FAM135B: variants seen among roughly 807,000 people sequenced by gnomAD.
FAM135B encodes the protein family with sequence similarity 135 member B, also known as protein FAM135B.
Under a neutral mutation model 127.7 loss-of-function variants are expected in FAM135B, and 43 were observed. The ratio of observed to expected loss-of-function variants is 0.34; its 90% CI spans 0.26 to 0.43. The LOEUF (loss-of-function observed/expected upper bound fraction) is 0.43, where lower values mean the gene tolerates loss of function less well. Among genes scored for constraint, FAM135B ranks in the 20% least tolerant of loss-of-function variants. The pLI, the probability that FAM135B is intolerant of heterozygous loss-of-function variation, is 1.00. For missense variants in FAM135B, 1,558 were observed against 1,725.6 expected (o/e 0.90, Z 1.72); for synonymous variants, 670 against 665.1 (o/e 1.01, Z -0.11).
At chr8:138,428,844 G>A (rs902792934) in intron 1 of FAM135B, among the ~76,000 whole-genome samples, 9 of 152,066 alleles carry the variant, frequency 5.9e-5, no homozygotes, top group South Asian at 2.1e-4. Context: ...TTTATACCTC[G>A]AAATTTAATT....
intron 6 of FAM135B, among the ~76,000 whole-genome samples, chr8:138,248,504 G>A (rs377541362): frequency 3.9e-5 from 6 of 152,198 alleles, no homozygotes; most frequent in South Asian, 4.1e-4. Flanking sequence ...CATCCCTGTC[G>A]GGTTAGTATC....
chr8:138,254,399 A>C (rs1458534570), intron 5 of FAM135B, among the ~76,000 whole-genome samples: 3 of 152,206 alleles, frequency 2.0e-5, no homozygotes, highest in African/African-American at 7.2e-5. Flanking sequence ...AGTTAGCAGC[A>C]GGGTTCTGTG....
At chr8:138,469,312 T>C (rs936370586) in intron 1 of FAM135B, among the ~76,000 whole-genome samples, 2 of 151,628 alleles carry the variant, frequency 1.3e-5, no homozygotes, top group African/African-American at 4.8e-5. Context: ...TGATGAAGGG[T>C]TAAAAAGGAA....
intron 7 of FAM135B, among the ~76,000 whole-genome samples, chr8:138,208,680 C>T (rs1024342846): frequency 6.6e-6 from 1 of 152,162 alleles, no homozygotes; most frequent in Admixed American, 6.5e-5. Flanking sequence ...CCTCAGAGGG[C>T]AAGAGTGAGG....
At chr8:138,410,990 G>A (rs970944453) in intron 1 of FAM135B, among the ~76,000 whole-genome samples, 7 of 141,226 alleles carry the variant, frequency 5.0e-5, no homozygotes, top group Non-Finnish European at 3.1e-5. Flanking sequence ...AAATAAAAGA[G>A]GATACAAACA....
At chr8:138,394,252 C>T (rs1202961707) in intron 1 of FAM135B, among the ~76,000 whole-genome samples, 1 of 152,130 alleles carries the variant, frequency 6.6e-6, no homozygotes, top group African/African-American at 2.4e-5. Flanking sequence ...TGTGTTTGTC[C>T]CATGGGCCAC....
intron 16 of FAM135B, 64 bp downstream of exon 16, chr8:138,142,948 C>T (rs767243301): frequency 4.8e-6 from 4 of 842,076 alleles, no homozygotes; most frequent in African/African-American, 3.3e-5. Context: ...TGCTTTTATA[C>T]AGCAAACACT....
chr8:138,190,538 G>A (rs1816020161), intron 9 of FAM135B, among the ~76,000 whole-genome samples: 1 of 152,164 alleles, frequency 6.6e-6, no homozygotes, highest in Non-Finnish European at 1.5e-5. Flanking sequence ...AACATATTTT[G>A]GAAGAACCCT....
intron 11 of FAM135B, among the ~76,000 whole-genome samples, chr8:138,172,687 A>G (rs1176435396): frequency 6.6e-6 from 1 of 152,210 alleles, no homozygotes; most frequent in Non-Finnish European, 1.5e-5. Context: ...CCTGGATATA[A>G]TGGATGACGA....
intron 1 of FAM135B, among the ~76,000 whole-genome samples, chr8:138,429,630 A>G (rs957064986): frequency 2.6e-5 from 4 of 152,186 alleles, no homozygotes; most frequent in South Asian, 2.1e-4. Flanking sequence ...TAGCAAGGAC[A>G]GCTTTCTGTT....
intron 5 of FAM135B, 106 bp from the exon 6 acceptor site, chr8:138,251,120 A>C: frequency 7.8e-7 from 1 of 1,284,922 alleles, no homozygotes; most frequent in African/African-American, 1.5e-5. Context: ...CCATGCATAC[A>C]TCATCTCGTT....
chr8:138,406,372 C>T (rs1332669513), intron 1 of FAM135B, among the ~76,000 whole-genome samples: 1 of 151,942 alleles, frequency 6.6e-6, no homozygotes, highest in African/African-American at 2.4e-5. Context: ...CTATTCCAAT[C>T]AATAGAAAAA....
At chr8:138,169,972 G>A (rs929426921) in intron 11 of FAM135B, among the ~76,000 whole-genome samples, 5 of 152,118 alleles carry the variant, frequency 3.3e-5, no homozygotes, top group Admixed American at 1.3e-4. Context: ...AATGCTAAAG[G>A]GTACATAGGA....
chr8:138,375,408 T>C (rs1405750046), intron 1 of FAM135B, among the ~76,000 whole-genome samples: 1 of 152,164 alleles, frequency 6.6e-6, no homozygotes, highest in Admixed American at 6.5e-5. Context: ...TGTATATGTG[T>C]GTATGTAGGT....
In FAM135B at chr8:138,333,972, G is replaced by A. The variant is rs181660797; in HGVS notation, c.78-23052C>T. Among the ~76,000 whole-genome samples the A allele has an allele frequency of 1.3e-3, 197 of 152,318 alleles. 4 individuals carry two copies. Among genetic ancestry groups the A allele is most frequent in the African/African-American group, 4.1e-3 (172 of 41,562 alleles). Reference sequence around the variant, plus strand: ...GAGTCTCGCTCTGTCTCCCAGGCTGGAGTGCAGTGGCATGATCTTGGATCA... The same window carrying A: ...GAGTCTCGCTCTGTCTCCCAGGCTGAAGTGCAGTGGCATGATCTTGGATCA... On this transcript the variant is annotated intron_variant, in intron 2 of 19. Coordinates refer to ENST00000395297, the MANE Select transcript of FAM135B (RefSeq NM_015912.4).
intron 1 of FAM135B, among the ~76,000 whole-genome samples, chr8:138,374,167 T>C (rs1156349140): frequency 6.6e-6 from 1 of 152,158 alleles, no homozygotes; most frequent in East Asian, 1.9e-4. Context: ...GCTTTAAAAT[T>C]TCTCTCTTTT....
chr8:138,414,995 G>T (rs1519396), intron 1 of FAM135B, among the ~76,000 whole-genome samples: 106,726 of 151,986 alleles, frequency 0.7, 37,837 homozygotes, highest in East Asian at 0.99. Flanking sequence ...GTAGCAACTC[G>T]GGATAAGCAG....
chr8:138,480,482 C>T (rs574340779), intron 1 of FAM135B, among the ~76,000 whole-genome samples: 26 of 151,858 alleles, frequency 1.7e-4, no homozygotes, highest in Non-Finnish European at 3.2e-4. Flanking sequence ...TGGAGAAAGA[C>T]AGACTGTGAA....
intron 1 of FAM135B, among the ~76,000 whole-genome samples, chr8:138,436,349 T>C (rs1835456359): frequency 6.6e-6 from 1 of 152,228 alleles, no homozygotes; most frequent in African/African-American, 2.4e-5. Context: ...CATTTTTTTT[T>C]ATGCAATGCA....
Sources: gnomAD v4.1 joint callset for allele counts (sites outside exome capture counted in the v4.1 genomes callset) on GRCh38, gnomAD v4.1.1 for gene constraint, MANE v1.5 for transcripts, NCBI Gene and HGNC (gene_info 2026-07-23, HGNC 2026-07-21) for gene names.